The following CADPS variants were observed in gnomAD, a reference collection of about 807,000 sequenced individuals.
CADPS encodes the protein calcium-dependent secretion activator 1.
CADPS carries 57 observed loss-of-function variants against 167.3 expected under a neutral mutation model. The observed-to-expected ratio is 0.34, with a 90% CI of 0.28 to 0.42. The LOEUF (loss-of-function observed/expected upper bound fraction) is 0.42, where lower values mean the gene tolerates loss of function less well. Among genes scored for constraint, CADPS ranks in the 20% least tolerant of loss-of-function variants. The pLI is 1.00. For synonymous variants in CADPS, 676 were observed against 635.3 expected, an observed-to-expected ratio of 1.06 and a Z score of -0.96; for missense variants, 1,414 against 1,738.1, an observed-to-expected ratio of 0.81 and a Z score of 3.32.
intron 7 of CADPS, among the ~76,000 whole-genome samples, chr3:62,591,964 C>A (rs141931797): frequency 6.6e-6 from 1 of 152,118 alleles, no homozygotes; most frequent in Non-Finnish European, 1.5e-5. Flanking sequence ...TAATGAACTA[C>A]GTGGAGATCT....
chr3:62,642,942 C>T (rs1229607722), intron 6 of CADPS, among the ~76,000 whole-genome samples: 1 of 151,460 alleles, frequency 6.6e-6, no homozygotes, highest in East Asian at 1.9e-4. Flanking sequence ...CAAAACAAAA[C>T]AAAACAAAAC....
chr3:62,819,413 T>C (rs868627565), intron 1 of CADPS, among the ~76,000 whole-genome samples: 3 of 120,796 alleles, frequency 2.5e-5, no homozygotes, highest in Non-Finnish European at 5.4e-5. Flanking sequence ...TGTGCGTGTG[T>C]GTGTGTGTGT....
chr3:62,701,140 C>T (rs1026622339), intron 3 of CADPS, among the ~76,000 whole-genome samples: 8 of 152,060 alleles, frequency 5.3e-5, no homozygotes, highest in Admixed American at 1.3e-4. Flanking sequence ...GTTACGATTT[C>T]AACATATGAA....
chr3:62,663,670 T>G (rs2073847534), intron 3 of CADPS, among the ~76,000 whole-genome samples: 1 of 150,494 alleles, frequency 6.6e-6, no homozygotes, highest in South Asian at 2.1e-4. Flanking sequence ...AGCAAATAAG[T>G]TATTTGGATT....
rs1580384908 is a variant in CADPS at position 62,685,306 on chromosome 3, G to A, written c.889-22912C>T. 3.3e-5 allele frequency among the ~76,000 whole-genome samples: 5 copies of A among 151,944 alleles called. No homozygotes were observed. In the South Asian group the frequency reaches 1.0e-3, roughly 32 times the overall value. On this transcript the variant is annotated intron_variant, in intron 3 of 29. Coordinates refer to ENST00000383710, the MANE Select transcript of CADPS (RefSeq NM_003716.4). ...TAACACCCACTAAGGCACACAAACA[G>A]GTAGACATTCCTGACACAAGTGATC... is the stretch of plus-strand genomic sequence containing the variant.
intron 4 of CADPS, among the ~76,000 whole-genome samples, chr3:62,653,103 G>T (rs2070653756): frequency 6.6e-6 from 1 of 152,142 alleles, no homozygotes; most frequent in African/African-American, 2.4e-5. Context: ...ACTTCCCTGG[G>T]TTGGGTCCTC....
chr3:62,591,445 G>GA (rs1326446684), intron 7 of CADPS, among the ~76,000 whole-genome samples: 3 of 152,152 alleles, frequency 2.0e-5, no homozygotes, highest in African/African-American at 7.2e-5. Context: ...GTTGGGAGGT[G>GA]GGGAAATGAC....
chr3:62,870,424 AGG>A (rs1360416358), intron 1 of CADPS, among the ~76,000 whole-genome samples: 2 of 152,174 alleles, frequency 1.3e-5, no homozygotes, highest in African/African-American at 4.8e-5. Flanking sequence ...AGCTAGCACT[AGG>A]TCTTTTTATG....
At chr3:62,678,469 A>G (rs1462281037) in intron 3 of CADPS, among the ~76,000 whole-genome samples, 4 of 152,112 alleles carry the variant, frequency 2.6e-5, no homozygotes, top group African/African-American at 7.2e-5. Context: ...TTAATGCTTG[A>G]TTCTAACATC....
At chr3:62,468,518 A>C (rs1310965103) in intron 24 of CADPS, among the ~76,000 whole-genome samples, 6 of 152,298 alleles carry the variant, frequency 3.9e-5, no homozygotes, top group South Asian at 4.1e-4. Flanking sequence ...TGAGGAGTTA[A>C]TGATGTCATT....
In CADPS at chr3:62,492,414, C is replaced by T. The variant is rs1391309768; in HGVS notation, c.2760G>A (p.Glu920=). ...AGAGTGACAGGAACGTCTCCGCATG[C>T]TCCACCATTAAATCTGACCACCACG... is the stretch of plus-strand genomic sequence containing the variant. ...AFAWWSDLMV[E]HAETFLSLFA... Residue 920 remains glutamate (E), a synonymous_variant, in exon 20 of 30, where the codon GAG becomes GAA. Coordinates refer to ENST00000383710, the MANE Select transcript of CADPS (RefSeq NM_003716.4). 2 of 1,614,040 alleles carry T rather than the reference C, an allele frequency of 1.2e-6. No individual in the cohort carries two copies. Among genetic ancestry groups the T allele is most frequent in the East Asian group, 2.2e-5 (1 of 44,864 alleles).
At chr3:62,783,475 G>C (rs994021003) in intron 1 of CADPS, among the ~76,000 whole-genome samples, 2 of 152,106 alleles carry the variant, frequency 1.3e-5, no homozygotes, top group African/African-American at 4.8e-5. Context: ...TGTGTTAGCG[G>C]TCCTGGGAAA....
At position 62,594,352 on chromosome 3, in the gene CADPS, G is replaced by A. The variant is rs528123305; in HGVS notation, c.1326-1604C>T. Among the ~76,000 whole-genome samples the A allele has an allele frequency of 7.8e-4, 119 of 151,600 alleles. 1 individual carries two copies. The highest frequency in any genetic ancestry group is 2.6e-3 in the African/African-American group (108 of 41,432). On this transcript the variant is annotated intron_variant, in intron 6 of 29. Coordinates refer to ENST00000383710, the MANE Select transcript of CADPS (RefSeq NM_003716.4). ...AATTTTTTGTATTTTTAGTAGAGAC[G>A]CGGTTTCACCGTTTTAGCCGGGATG...
chr3:62,530,581 A>T (rs1211792378), intron 13 of CADPS: 4 of 928,374 alleles, frequency 4.3e-6, no homozygotes, highest in Non-Finnish European at 5.5e-6. Context: ...AGTGGAAGTG[A>T]TGGCATGGAT....
At chr3:62,658,825 A>C (rs2072406271) in intron 4 of CADPS, among the ~76,000 whole-genome samples, 1 of 152,134 alleles carries the variant, frequency 6.6e-6, no homozygotes, top group African/African-American at 2.4e-5. Context: ...TTGGCCCTTG[A>C]ACCAAGTTGG....
chr3:62,480,700 C>G lies in CADPS; in HGVS notation c.3173+1023G>C, dbSNP rs1290613195. Among the ~76,000 whole-genome samples, 5 of 152,252 alleles carry G rather than the reference C, an allele frequency of 3.3e-5. No homozygotes were observed. The East Asian group carries it at 9.6e-4, about 29-fold the overall frequency. ...TTTATTCCTTTGATAATAACACTTCCCTTTGAAAACGTGCCAATTTATTCT... is the reference window on the plus strand; with the variant it reads ...TTTATTCCTTTGATAATAACACTTCGCTTTGAAAACGTGCCAATTTATTCT... On this transcript the variant is annotated intron_variant, in intron 22 of 29. Transcript: ENST00000383710.
rs190474401 is a variant in CADPS, at chr3:62,771,184, C to G, written c.442-5200G>C. Reference sequence around the variant, plus strand: ...CTATACACATATGTCTCATTTGCTGCTGTGCACACAGTGAGCTCTCAACGA... The same window carrying G: ...CTATACACATATGTCTCATTTGCTGGTGTGCACACAGTGAGCTCTCAACGA... On this transcript the variant is annotated intron_variant, in intron 1 of 29. Coordinates refer to ENST00000383710, the MANE Select transcript of CADPS (RefSeq NM_003716.4). 7.2e-5 allele frequency among the ~76,000 whole-genome samples: 11 copies of G among 152,296 alleles called. No individual in the cohort carries two copies. The East Asian group carries it at 1.2e-3, about 16-fold the overall frequency.
intron 1 of CADPS, among the ~76,000 whole-genome samples, chr3:62,842,494 TTTC>T (rs1462484978): frequency 1.3e-5 from 2 of 152,344 alleles, no homozygotes; most frequent in East Asian, 3.9e-4. Context: ...TGTGTTTAAT[TTTC>T]TTCATGATTG....
chr3:62,444,800 T>C (rs894305930), intron 27 of CADPS, among the ~76,000 whole-genome samples: 33 of 152,328 alleles, frequency 2.2e-4, no homozygotes, highest in African/African-American at 7.9e-4. Context: ...TGAATTTAAA[T>C]GTTAATACAA....
Sources: allele counts gnomAD v4.1 joint callset (sites outside exome capture counted in the v4.1 genomes callset), GRCh38; gene constraint gnomAD v4.1.1; transcripts MANE v1.5; gene names NCBI Gene and HGNC (gene_info 2026-07-23, HGNC 2026-07-21).